Variants in TMEM114 observed in about 807,000 individuals in gnomAD.
The protein encoded by TMEM114 is transmembrane protein 114.
Under a neutral mutation model 6.2 loss-of-function variants are expected in TMEM114, and 6 were observed. That is an observed-to-expected ratio of 0.97 (90% CI 0.53 to 1.91). TMEM114 has a LOEUF of 1.91. Ranked by LOEUF, TMEM114 falls within the 40% of genes most tolerant of loss-of-function variation. The probability of loss-of-function intolerance (pLI) is 0.01; values close to 1 mark genes in which losing one functional copy is unlikely to be tolerated. For missense variants in TMEM114, 218 were observed against 158.3 expected, an observed-to-expected ratio of 1.38 and a Z score of -2.02; for synonymous variants, 104 against 73.0, an observed-to-expected ratio of 1.42 and a Z score of -2.16.
At chr16:8,569,358 A>T, downstream of TMEM114, 1 of 684,802 alleles carries the variant, frequency 1.5e-6, no homozygotes, top group Non-Finnish European at 1.8e-6. Flanking sequence ...CCCCAGAGAG[A>T]GCTGAACGCA....
intron 2 of TMEM114, among the ~76,000 whole-genome samples, chr16:8,561,840 GT>G (rs1901217030): frequency 7.0e-6 from 1 of 142,496 alleles, no homozygotes; most frequent in African/African-American, 2.6e-5. Flanking sequence ...GAGTGAATGA[GT>G]GAGTGAATGA....
downstream of TMEM114, among the ~76,000 whole-genome samples, chr16:8,565,551 G>A (rs895266061): frequency 1.1e-4 from 16 of 152,236 alleles, 1 homozygote; most frequent in Admixed American, 9.8e-4. Flanking sequence ...CTTCTCATGA[G>A]TATAAATCCC....
chr16:8,573,632 G>A (rs1901811936), intron 2 of TMEM114, among the ~76,000 whole-genome samples: 1 of 152,098 alleles, frequency 6.6e-6, no homozygotes, highest in Non-Finnish European at 1.5e-5. Context: ...ACTATGAGCT[G>A]GGTGCCAAGC....
chr16:8,571,252 T>C (rs369446660), intron 3 of TMEM114, among the ~76,000 whole-genome samples: 37 of 152,288 alleles, frequency 2.4e-4, no homozygotes, highest in African/African-American at 8.7e-4. Context: ...ACCTAGCCAT[T>C]GTCTGTCCAC....
At chr16:8,532,945 GA>G (rs1900258890), downstream of TMEM114, among the ~76,000 whole-genome samples, 1 of 152,038 alleles carries the variant, frequency 6.6e-6, no homozygotes, top group African/African-American at 2.4e-5. Flanking sequence ...AAAAAATAAA[GA>G]AAAGAAATAT....
At chr16:8,565,851 G>C (rs566761898), downstream of TMEM114, among the ~76,000 whole-genome samples, 48 of 152,338 alleles carry the variant, frequency 3.2e-4, no homozygotes, top group African/African-American at 1.1e-3. Flanking sequence ...CCCAGTGCTA[G>C]CAACTGGTTG....
At position 8,584,940 on chromosome 16, in the gene TMEM114, A is replaced by AAAAAG. The variant is rs1409319481; in HGVS notation, c.301+4272_301+4273insCTTTT. ...GCCGTCTCAAAAAAAAAAAAAAAAA[A>AAAAAG]AAGAAGAAGAAGAAGAAAAGAAAAG... On this transcript the variant is annotated intron_variant, in intron 2 of 3. Transcript: ENST00000620492. 1.1e-4 allele frequency among the ~76,000 whole-genome samples: 16 copies of AAAAAG among 146,756 alleles called. 1 individual carries two copies. The highest frequency in any genetic ancestry group is 6.4e-4 in the South Asian group (3 of 4,684).
chr16:8,572,167 C>G lies in TMEM114; in HGVS notation c.359G>C (p.Gly120Ala), dbSNP rs1596309736. 5 of 1,551,612 alleles carry G rather than the reference C, an allele frequency of 3.2e-6. No individual in the cohort carries two copies. Among genetic ancestry groups the G allele is most frequent in the Non-Finnish European group, 3.5e-6 (4 of 1,146,962 alleles). ...LPLSLILMVFGGMTGFLSFLL... is the reference protein window; with the variant it reads ...LPLSLILMVFAGMTGFLSFLL... ...GAAGCTCAGAAACCCCGTCATCCCCCCAAAAACCATCAGGATCAGGCTGAG... is the reference window on the plus strand; with the variant it reads ...GAAGCTCAGAAACCCCGTCATCCCCGCAAAAACCATCAGGATCAGGCTGAG... Residue 120 changes from glycine (G) to alanine (A), a missense_variant, in exon 3 of 4, where the codon GGG (glycine) becomes GCG (alanine). Physicochemically the swap from Gly to Ala is moderately conservative, Grantham distance 60. Coordinates refer to ENST00000620492, the MANE Select transcript of TMEM114 (RefSeq NM_001146336.2).
At chr16:8,537,230 G>C (rs1477234345), downstream of TMEM114, among the ~76,000 whole-genome samples, 1 of 152,108 alleles carries the variant, frequency 6.6e-6, no homozygotes, top group African/African-American at 2.4e-5. Context: ...GCCAGGCATG[G>C]TGGCTCACAC....
intron 2 of TMEM114, among the ~76,000 whole-genome samples, chr16:8,559,790 T>G (rs904361028): frequency 2.4e-4 from 36 of 152,098 alleles, no homozygotes; most frequent in African/African-American, 8.4e-4. Flanking sequence ...ATGGAGGAGC[T>G]GTGTGTGCGT....
intron 2 of TMEM114, among the ~76,000 whole-genome samples, chr16:8,546,095 C>G (rs1360484589): frequency 6.6e-6 from 1 of 152,044 alleles, no homozygotes; most frequent in Non-Finnish European, 1.5e-5. Context: ...AGCCTGGGAA[C>G]AGAGCAAGAC....
chr16:8,561,496 G>A (rs1331656580), intron 2 of TMEM114, among the ~76,000 whole-genome samples: 1 of 152,188 alleles, frequency 6.6e-6, no homozygotes, highest in African/African-American at 2.4e-5. Flanking sequence ...GCTTCAAAAG[G>A]CAGGTTTTGA....
At chr16:8,571,569 C>A (rs939594803) in intron 3 of TMEM114, among the ~76,000 whole-genome samples, 1 of 152,098 alleles carries the variant, frequency 6.6e-6, no homozygotes, top group Admixed American at 6.5e-5. Context: ...GTTCTTTGAC[C>A]AACATCTCCC....
chr16:8,549,861 G>A (rs948617645), intron 2 of TMEM114, among the ~76,000 whole-genome samples: 2 of 152,158 alleles, frequency 1.3e-5, no homozygotes. Flanking sequence ...CAGGAGAATT[G>A]GCTCACATGA....
rs1158665849 is a variant in TMEM114 at position 8,590,483 on chromosome 16, C to G, written c.-645G>C. 6.6e-6 allele frequency among the ~76,000 whole-genome samples: 1 copy of G among 152,212 alleles called. No homozygotes were observed. The highest frequency in any genetic ancestry group is 1.5e-5 in the Non-Finnish European group (1 of 68,034). ...CGGGGCGCAGCTGACCCTCTGAGCC[C>G]TCCTCCTCGCCGAGGAAAAGCTCGG... On this transcript the variant is annotated 5_prime_UTR_variant, in exon 1 of 4. Coordinates refer to ENST00000620492, the MANE Select transcript of TMEM114 (RefSeq NM_001146336.2).
At chr16:8,585,121 T>G (rs1273652292) in intron 2 of TMEM114, among the ~76,000 whole-genome samples, 1 of 152,068 alleles carries the variant, frequency 6.6e-6, no homozygotes, top group Non-Finnish European at 1.5e-5. Flanking sequence ...GGAGGGTTTG[T>G]GCAGGGGAAC....
chr16:8,547,359 C>A (rs988778977), intron 2 of TMEM114, among the ~76,000 whole-genome samples: 13 of 151,360 alleles, frequency 8.6e-5, no homozygotes, highest in Admixed American at 2.6e-4. Flanking sequence ...CCCATTGCCC[C>A]TGAAGAGACG....
intron 2 of TMEM114, among the ~76,000 whole-genome samples, chr16:8,578,922 T>G (rs1002273253): frequency 6.6e-6 from 1 of 152,092 alleles, no homozygotes; most frequent in Non-Finnish European, 1.5e-5. Flanking sequence ...GAGGTCACAG[T>G]GAGCTGAGAT....
the TMEM114 span, among the ~76,000 whole-genome samples, chr16:8,528,554 C>T: frequency 3.3e-5 from 5 of 152,166 alleles, no homozygotes; most frequent in South Asian, 2.1e-4. Flanking sequence ...CCAAGAGGAG[C>T]GCAACAGGCT....
Sources: gnomAD v4.1 joint callset for allele counts (sites outside exome capture counted in the v4.1 genomes callset) on GRCh38, gnomAD v4.1.1 for gene constraint, MANE v1.5 for transcripts, NCBI Gene and HGNC (gene_info 2026-07-23, HGNC 2026-07-21) for gene names.